The following CPXM2 variants were observed in gnomAD, a reference collection of about 807,000 sequenced individuals.
The protein encoded by CPXM2 is inactive carboxypeptidase-like protein X2.
In CPXM2, 66 loss-of-function variants were observed where a neutral mutation model predicts 86.1. The ratio of observed to expected loss-of-function variants is 0.77; its 90% confidence interval spans 0.63 to 0.94. The LOEUF is 0.94. Among genes scored for constraint, CPXM2 ranks in the 40% least tolerant of loss-of-function variants. The pLI is 0.00. For missense variants in CPXM2, 948 were observed against 1,026.3 expected (o/e 0.92, Z 1.04); for synonymous variants, 388 against 400.2 (o/e 0.97, Z 0.36).
chr10:123,753,033 C>T (rs72841686), intron 13 of CPXM2, among the ~76,000 whole-genome samples: 5,561 of 152,130 alleles, frequency 0.037, 141 homozygotes, highest in Middle Eastern at 0.15. Flanking sequence ...AACAGTGCAG[C>T]GGGGAGGTGT....
At chr10:123,855,659 A>G (rs897786762) in intron 3 of CPXM2, among the ~76,000 whole-genome samples, 6 of 152,206 alleles carry the variant, frequency 3.9e-5, no homozygotes, top group South Asian at 2.1e-4. Flanking sequence ...AGTTGGTTCA[A>G]TGTTCTAAAA....
chr10:123,878,074 G>A (rs963644094), intron 2 of CPXM2, among the ~76,000 whole-genome samples: 2 of 152,080 alleles, frequency 1.3e-5, no homozygotes, highest in African/African-American at 4.8e-5. Flanking sequence ...TGCAACCTGA[G>A]TAGATCCTGA....
At chr10:123,787,260 G>A (rs1250033099) in intron 6 of CPXM2, among the ~76,000 whole-genome samples, 2 of 152,194 alleles carry the variant, frequency 1.3e-5, no homozygotes, top group African/African-American at 4.8e-5. Flanking sequence ...AAAGGTGGAA[G>A]GAAGCCCCAG....
intron 2 of CPXM2, among the ~76,000 whole-genome samples, chr10:123,926,563 CTAGA>C (rs1231492325): frequency 6.6e-6 from 1 of 152,194 alleles, no homozygotes; most frequent in Non-Finnish European, 1.5e-5. Flanking sequence ...ATTCACTTTC[CTAGA>C]TATTCTTTCA....
intron 4 of CPXM2, among the ~76,000 whole-genome samples, chr10:123,827,884 G>A (rs1848080772): frequency 6.6e-6 from 1 of 152,112 alleles, no homozygotes; most frequent in Non-Finnish European, 1.5e-5. Context: ...ATAAATCAGG[G>A]TGGGCAAGGT....
At chr10:123,766,191 A>G (rs1846468252) in intron 10 of CPXM2, among the ~76,000 whole-genome samples, 1 of 151,788 alleles carries the variant, frequency 6.6e-6, no homozygotes, top group African/African-American at 2.4e-5. Context: ...TGAGTGTCAC[A>G]TGCTGACATG....
chr10:123,786,931 C>T (rs1847071765), intron 6 of CPXM2, among the ~76,000 whole-genome samples: 1 of 152,222 alleles, frequency 6.6e-6, no homozygotes, highest in Non-Finnish European at 1.5e-5. Context: ...ACCTGCCCCC[C>T]TTCTTGTAAG....
chr10:123,884,230 T>C (rs961504152), intron 1 of CPXM2, among the ~76,000 whole-genome samples: 1 of 151,996 alleles, frequency 6.6e-6, no homozygotes, highest in Non-Finnish European at 1.5e-5. Context: ...GGAACCCACA[T>C]TAGGAGAAAA....
intron 2 of CPXM2, among the ~76,000 whole-genome samples, chr10:123,907,766 C>T (rs764727580): frequency 2.0e-5 from 3 of 152,056 alleles, no homozygotes; most frequent in Non-Finnish European, 4.4e-5. Flanking sequence ...CCCCGCAAGG[C>T]GCCCACCCAG....
At chr10:123,917,352 T>C (rs1391420748) in intron 2 of CPXM2, among the ~76,000 whole-genome samples, 1 of 152,252 alleles carries the variant, frequency 6.6e-6, no homozygotes, top group Non-Finnish European at 1.5e-5. Context: ...CATAGTCATT[T>C]CTTAACACCC....
intron 8 of CPXM2, among the ~76,000 whole-genome samples, chr10:123,768,975 G>A (rs574437311): frequency 3.9e-5 from 6 of 152,234 alleles, no homozygotes; most frequent in African/African-American, 7.2e-5. Context: ...CCATTTTTAC[G>A]TACCAAGAAC....
chr10:123,909,466 A>T (rs1414047710), intron 2 of CPXM2, among the ~76,000 whole-genome samples: 1 of 152,198 alleles, frequency 6.6e-6, no homozygotes, highest in African/African-American at 2.4e-5. Flanking sequence ...TTTATATTCC[A>T]CAAGGCTCCA....
In CPXM2 at chr10:123,799,183, A is replaced by T. The variant is rs1251824151; in HGVS notation, c.670T>A (p.Ser224Thr). Residue 224 changes from serine (S) to threonine (T), a missense_variant, in exon 5 of 14, where the codon TCC (serine) becomes ACC (threonine). Physicochemically the swap from Ser to Thr is moderately conservative, Grantham distance 58. Transcript: ENST00000241305. ...TCATTGCTCACCATGACCTTATAGG[A>T]TGTCACCCAGTCACTCCTATGAGAA... ...NSLWLSDWVT[S>T]YKVMVSNDSH... is the part of the protein sequence containing the mutation. The T allele has an allele frequency of 1.2e-6, 2 of 1,614,002 alleles. No individual in the cohort carries two copies. Among genetic ancestry groups the T allele is most frequent in the African/African-American group, 2.7e-5 (2 of 74,928 alleles).
chr10:123,788,812 A>C (rs1341558474), intron 6 of CPXM2, among the ~76,000 whole-genome samples: 2 of 151,718 alleles, frequency 1.3e-5, no homozygotes, highest in East Asian at 1.9e-4. Flanking sequence ...TTATGAATGC[A>C]CTAACTATCG....
At chr10:123,847,216 G>C (rs1468841960) in intron 3 of CPXM2, among the ~76,000 whole-genome samples, 1 of 152,170 alleles carries the variant, frequency 6.6e-6, no homozygotes, top group African/African-American at 2.4e-5. Flanking sequence ...ATCAATATGT[G>C]CATATTATTT....
intron 4 of CPXM2, among the ~76,000 whole-genome samples, chr10:123,815,619 C>T (rs935355281): frequency 2.6e-5 from 4 of 152,112 alleles, no homozygotes; most frequent in East Asian, 1.9e-4. Context: ...ATAAACCCTG[C>T]GCTGCCTGAG....
At chr10:123,897,774 A>T (rs1373590827) in intron 2 of CPXM2, among the ~76,000 whole-genome samples, 3 of 152,360 alleles carry the variant, frequency 2.0e-5, no homozygotes, top group African/African-American at 7.2e-5. Context: ...CATGAAGAGG[A>T]ACTCAGCGTG....
chr10:123,885,959 T>C lies in CPXM2; in HGVS notation c.304+5397A>G, dbSNP rs2134242110. On this transcript the variant is annotated intron_variant, in intron 1 of 13. Transcript: ENST00000241305. The surrounding 1 kb of genome is among the most constrained non-coding windows in gnomAD (Gnocchi z 4.0). ...TCGCAAACGTGGGTGTGTCCTCCTT[T>C]ATTATCCATGCGCGAGCCCTGGTTT... Among the ~76,000 whole-genome samples the C allele has an allele frequency of 6.6e-6, 1 of 152,356 alleles. No individual in the cohort carries two copies. Among genetic ancestry groups the C allele is most frequent in the South Asian group, 2.1e-4 (1 of 4,828 alleles).
chr10:123,937,808 C>CAT (rs1381312391), intron 2 of CPXM2, among the ~76,000 whole-genome samples: 2 of 152,012 alleles, frequency 1.3e-5, no homozygotes, highest in Non-Finnish European at 2.9e-5. Context: ...AAAATCAAAG[C>CAT]CTTTAGAGAA....
Sources: allele counts gnomAD v4.1 joint callset (sites outside exome capture counted in the v4.1 genomes callset), GRCh38; gene constraint gnomAD v4.1.1; non-coding constraint Gnocchi (gnomAD v3.1); transcripts MANE v1.5; gene names NCBI Gene and HGNC (gene_info 2026-07-23, HGNC 2026-07-21).